The following KCNMB1 variants were observed in gnomAD, a reference collection of about 807,000 sequenced individuals.
KCNMB1 encodes calcium-activated potassium channel subunit beta-1.
A neutral mutation model predicts 21.7 loss-of-function variants in KCNMB1; 22 were observed. The observed-to-expected ratio is 1.01, with a 90% CI of 0.72 to 1.45. The LOEUF (loss-of-function observed/expected upper bound fraction) is 1.45. Among genes scored for constraint, KCNMB1 ranks in the 40% most tolerant of loss-of-function variants. KCNMB1 has a pLI of 0.00. For synonymous variants in KCNMB1, 114 were observed against 107.6 expected (o/e 1.06, Z -0.37); for missense variants, 243 against 243.4 (o/e 1.00, Z 0.01).
At chr5:170,386,362 C>T (rs1045390998) in intron 1 of KCNMB1, among the ~76,000 whole-genome samples, 1 of 152,184 alleles carries the variant, frequency 6.6e-6, no homozygotes, top group African/African-American at 2.4e-5. Context: ...GGCTCATCCC[C>T]CACGGCCACT....
chr5:170,382,467 C>A (rs542479521), intron 3 of KCNMB1, among the ~76,000 whole-genome samples: 1 of 152,124 alleles, frequency 6.6e-6, no homozygotes, highest in Non-Finnish European at 1.5e-5. Context: ...GCCCTGACAG[C>A]CTTTTCCAGC....
intron 3 of KCNMB1, among the ~76,000 whole-genome samples, chr5:170,381,939 G>C (rs1011505123): frequency 6.6e-6 from 1 of 152,126 alleles, no homozygotes. Context: ...TCATACTAGC[G>C]ATGACAGAAC....
Position 170,383,799 on chromosome 5 carries a change from G to T in KCNMB1, c.186C>A (p.Asp62Glu). The change falls in exon 3 of 4, where the codon GAC (aspartate) becomes GAA (glutamate). Residue 62 changes from aspartate (D) to glutamate (E), a missense_variant. Transcript: ENST00000274629. Reference sequence around the variant, plus strand: ...CCTTCTTGCCCTTCAGCTCCTCCTGGTCCCTGATGTTGGTCTCAATCAGGT... The same window carrying T: ...CCTTCTTGCCCTTCAGCTCCTCCTGTTCCCTGATGTTGGTCTCAATCAGGT... Reference protein sequence around the residue: ...KCHLIETNIRDQEELKGKKVP... With the variant: ...KCHLIETNIREQEELKGKKVP... The T allele has an allele frequency of 6.2e-7, 1 of 1,614,110 alleles. No homozygotes were observed. Among genetic ancestry groups the T allele is most frequent in the Non-Finnish European group, 8.5e-7 (1 of 1,180,020 alleles).
At position 170,383,775 on chromosome 5, in the gene KCNMB1, C is replaced by T. The variant is rs1410122807; in HGVS notation, c.210G>A (p.Lys70=). 3 of 1,614,076 alleles carry T rather than the reference C, an allele frequency of 1.9e-6. No individual in the cohort carries two copies. ...CCCACAGGCATGGGTACTGGGGCACCTTCTTGCCCTTCAGCTCCTCCTGGT... is the reference window on the plus strand; with the variant it reads ...CCCACAGGCATGGGTACTGGGGCACTTTCTTGCCCTTCAGCTCCTCCTGGT... The part of the protein sequence containing the change: ...IRDQEELKGK[K]VPQYPCLWVN... The change falls in exon 3 of 4, where the codon AAG becomes AAA. Residue 70 remains lysine (K), a synonymous_variant. Coordinates refer to ENST00000274629, the MANE Select transcript of KCNMB1 (RefSeq NM_004137.4).
intron 2 of KCNMB1, among the ~76,000 whole-genome samples, 167 bp downstream of exon 2, chr5:170,385,147 C>T (rs543719819): frequency 6.6e-6 from 1 of 152,256 alleles, no homozygotes; most frequent in African/African-American, 2.4e-5. Context: ...TCAGTTCATC[C>T]TACCTTCCCT....
At chr5:170,383,439 C>T in intron 3 of KCNMB1, 1 of 611,226 alleles carries the variant, frequency 1.6e-6, no homozygotes, top group Admixed American at 2.7e-5. Context: ...AGGGTGGAAA[C>T]TGAGGAGGTG....
chr5:170,383,642 G>C (rs1377480429), intron 3 of KCNMB1, 37 bp downstream of exon 3: 1 of 1,608,696 alleles, frequency 6.2e-7, no homozygotes, highest in Non-Finnish European at 8.5e-7. Context: ...ACCTGACAGG[G>C]ATAAAGGGAT....
At chr5:170,385,872 C>A (rs1244798042) in intron 1 of KCNMB1, among the ~76,000 whole-genome samples, 2 of 152,020 alleles carry the variant, frequency 1.3e-5, no homozygotes, top group Admixed American at 6.5e-5. Flanking sequence ...GAAATCCCAG[C>A]ACTTTCGGAG....
intron 2 of KCNMB1, 55 bp downstream of exon 2, chr5:170,385,259 A>T: frequency 6.2e-7 from 1 of 1,600,952 alleles, no homozygotes; most frequent in Non-Finnish European, 8.6e-7. Context: ...TTCCTTACAG[A>T]TGCCAGACCC....
intron 1 of KCNMB1, among the ~76,000 whole-genome samples, chr5:170,386,901 A>G (rs1020105774): frequency 2.0e-5 from 3 of 151,794 alleles, no homozygotes; most frequent in South Asian, 2.1e-4. Flanking sequence ...CTCCACCCCA[A>G]TGCAAGCAAA....
At chr5:170,379,681 G>C (rs898604526) in intron 3 of KCNMB1, among the ~76,000 whole-genome samples, 1 of 152,170 alleles carries the variant, frequency 6.6e-6, no homozygotes, top group African/African-American at 2.4e-5. Context: ...TTAGAAACCA[G>C]ATCACACCTG....
chr5:170,381,553 G>A (rs755300098), intron 3 of KCNMB1, among the ~76,000 whole-genome samples: 1 of 152,196 alleles, frequency 6.6e-6, no homozygotes, highest in Non-Finnish European at 1.5e-5. Flanking sequence ...CAACCCAGCT[G>A]CTTGGCAAAA....
intron 2 of KCNMB1, among the ~76,000 whole-genome samples, chr5:170,385,082 G>A (rs1331173540): frequency 2.6e-5 from 4 of 152,130 alleles, no homozygotes; most frequent in Admixed American, 6.5e-5. Flanking sequence ...TTACCACCAC[G>A]TCCTAGATCA....
In KCNMB1 at chr5:170,383,733, G is replaced by T. The variant is rs1293823989; in HGVS notation, c.252C>A (p.Ala84=). The T allele has an allele frequency of 6.2e-7, 1 of 1,614,122 alleles. No individual in the cohort carries two copies. The highest frequency in any genetic ancestry group is 1.7e-5 in the Admixed American group (1 of 60,018). ...YPCLWVNVSA[A]GRWAVLYHTE... is the part of the protein sequence containing the mutation. ...TGTGGTACAGCACAGCCCACCTGCC[G>T]GCAGCTGACACGTTGACCCACAGGC... is the stretch of plus-strand genomic sequence containing the variant. Residue 84 remains alanine (A), a synonymous_variant, in exon 3 of 4, where the codon GCC becomes GCA. Transcript: ENST00000274629.
intron 1 of KCNMB1, among the ~76,000 whole-genome samples, chr5:170,388,863 C>G (rs1180781909): frequency 2.0e-5 from 3 of 152,216 alleles, no homozygotes; most frequent in African/African-American, 7.2e-5. Flanking sequence ...CAAATCAGCC[C>G]CCAGTAAATA....
intron 1 of KCNMB1, among the ~76,000 whole-genome samples, chr5:170,386,628 G>A (rs1424234372): frequency 6.6e-6 from 1 of 151,944 alleles, no homozygotes; most frequent in Non-Finnish European, 1.5e-5. Context: ...AGGAGAGGAG[G>A]GCCCCAGAAG....
intron 2 of KCNMB1, among the ~76,000 whole-genome samples, chr5:170,384,952 G>C (rs1050690623): frequency 3.3e-5 from 5 of 152,228 alleles, no homozygotes; most frequent in African/African-American, 1.2e-4. Context: ...AGAGGGGAGA[G>C]AATTATGCAG....
chr5:170,375,858 G>T lies in KCNMB1; in HGVS notation c.*2846C>A, dbSNP rs314153. ...ATGGAAAGATACTATTATCAGTTTCGTTTTGCAAACGAGGAAACAGGCACA... is the reference window on the plus strand; with the variant it reads ...ATGGAAAGATACTATTATCAGTTTCTTTTTGCAAACGAGGAAACAGGCACA... On this transcript the variant is annotated 3_prime_UTR_variant, in exon 4 of 4. Coordinates refer to ENST00000274629, the MANE Select transcript of KCNMB1 (RefSeq NM_004137.4). 2 of 152,116 alleles carry T rather than the reference G, an allele frequency of 1.3e-5. No homozygotes were observed. Among genetic ancestry groups the T allele is most frequent in the Non-Finnish European group, 2.9e-5 (2 of 67,996 alleles). 9.4% of individuals were successfully genotyped at this position (152,116 alleles called of 1,614,324 possible). A position where few individuals can be genotyped will look rare whatever the true frequency, so the allele number is the denominator to read the frequency against.
chr5:170,381,795 T>C (rs74661644), intron 3 of KCNMB1, among the ~76,000 whole-genome samples: 3,589 of 152,338 alleles, frequency 0.024, 76 homozygotes, highest in African/African-American at 0.057. Context: ...CGGAGAATGT[T>C]ACCAGTTATT....
Sources: gnomAD v4.1 joint callset for allele counts (sites outside exome capture counted in the v4.1 genomes callset) on GRCh38, gnomAD v4.1.1 for gene constraint, MANE v1.5 for transcripts, NCBI Gene and HGNC (gene_info 2026-07-23, HGNC 2026-07-21) for gene names.